GTPBP2: variants seen among roughly 807,000 people sequenced by gnomAD.
The protein encoded by GTPBP2 is GTP-binding protein 2.
GTPBP2 carries 32 observed loss-of-function variants against 63.0 expected under a neutral mutation model. That is an observed-to-expected ratio of 0.51 (90% CI 0.38 to 0.68). GTPBP2 has a LOEUF of 0.68. Ranked by LOEUF, GTPBP2 falls within the 30% of genes least tolerant of loss-of-function variation. The pLI is 0.00. For synonymous variants in GTPBP2, 310 were observed against 322.6 expected, an observed-to-expected ratio of 0.96 and a Z score of 0.42; for missense variants, 492 against 796.9, an observed-to-expected ratio of 0.62 and a Z score of 4.61.
chr6:43,628,754 T>C (rs758834332), intron 1 of GTPBP2: 14 of 779,160 alleles, frequency 1.8e-5, no homozygotes, highest in South Asian at 9.7e-5. Context: ...GGGGGAGTCC[T>C]CCCTCTCCAC....
upstream of GTPBP2, chr6:43,629,775 T>A: frequency 8.3e-6 from 13 of 1,563,162 alleles, no homozygotes; most frequent in Non-Finnish European, 1.1e-5. Flanking sequence ...CTGGGGTGAG[T>A]CAGGGCGAAC....
intron 1 of GTPBP2, chr6:43,627,296 CTA>C (rs1378565251): frequency 9.2e-7 from 1 of 1,085,370 alleles, no homozygotes; most frequent in African/African-American, 1.7e-5. Flanking sequence ...TCCCAGAAGT[CTA>C]TGTCTCCTCT....
rs143599300 is a variant in GTPBP2, at chr6:43,623,707, G to A, written c.1295+30C>T. The A allele has an allele frequency of 6.8e-5, 105 of 1,551,654 alleles. 1 individual carries two copies. In the East Asian group the frequency reaches 2.1e-3, roughly 31 times the overall value. On this transcript the variant is annotated intron_variant, in intron 9 of 11. Coordinates refer to ENST00000307126, the MANE Select transcript of GTPBP2 (RefSeq NM_019096.5). ...CTTTGAGTATATAGGTGAGGGCTGAGTGGGGAGGGTAGCAAGCAAGACAAT... is the reference window on the plus strand; with the variant it reads ...CTTTGAGTATATAGGTGAGGGCTGAATGGGGAGGGTAGCAAGCAAGACAAT...
chr6:43,623,570 A>G, intron 9 of GTPBP2, 167 bp downstream of exon 9: 1 of 630,766 alleles, frequency 1.6e-6, no homozygotes, highest in Non-Finnish European at 2.8e-6. Context: ...TCCAAAGCCA[A>G]CAGACTACCG....
Position 43,626,146 on chromosome 6 carries a change from C to A in GTPBP2, c.398+80G>T. On this transcript the variant is annotated intron_variant, in intron 3 of 11. Coordinates refer to ENST00000307126, the MANE Select transcript of GTPBP2 (RefSeq NM_019096.5). This position sits in a 1 kb window ranked among gnomAD's most constrained non-coding sequence, Gnocchi z 4.0. ...AGAGAAGGAAAGTCCCACCTTGGCCCCTCAGGCCCTAGGTAACTGGGTATG... is the reference window on the plus strand; with the variant it reads ...AGAGAAGGAAAGTCCCACCTTGGCCACTCAGGCCCTAGGTAACTGGGTATG... 1 of 1,357,612 alleles carries A rather than the reference C, an allele frequency of 7.4e-7. No homozygotes were observed. The highest frequency in any genetic ancestry group is 2.3e-5 in the East Asian group (1 of 43,412). The allele number at this position is 1,357,612 out of a possible 1,614,324, so 84.1% of individuals were successfully genotyped here.
chr6:43,625,979 C>T lies in GTPBP2; in HGVS notation c.399-115G>A, dbSNP rs539571291. 1.3e-6 allele frequency: 1 copy of T among 798,006 alleles called. No individual in the cohort carries two copies. Among genetic ancestry groups the T allele is most frequent in the South Asian group, 1.4e-5 (1 of 69,810 alleles). 49.4% of individuals were successfully genotyped at this position (798,006 alleles called of 1,614,324 possible). On this transcript the variant is annotated intron_variant, in intron 3 of 11. Transcript: ENST00000307126. The surrounding 1 kb of genome is among the most constrained non-coding windows in gnomAD (Gnocchi z 5.1). ...ACAGAGCTCCCAATACCTTAGTGCA[C>T]TTCCTACCACCCTCCAATCTATTCC...
Position 43,626,863 on chromosome 6 carries a change from T to A in GTPBP2, c.213+59A>T. ...AAAGAAAGAAAGAAAAAAGAAATTA[T>A]CCCACACTGGCAAGGACAACCTACC... On this transcript the variant is annotated intron_variant, in intron 2 of 11. Transcript: ENST00000307126. The surrounding 1 kb of genome is among the most constrained non-coding windows in gnomAD (Gnocchi z 4.0). The A allele has an allele frequency of 3.2e-6, 4 of 1,249,160 alleles. No homozygotes were observed. The highest frequency in any genetic ancestry group is 4.6e-6 in the Non-Finnish European group (4 of 874,806). The allele number at this position is 1,249,160 out of a possible 1,614,324, so 77.4% of individuals were successfully genotyped here. A position where few individuals can be genotyped will look rare whatever the true frequency, so the allele number is the denominator to read the frequency against.
At position 43,625,066 on chromosome 6, in the gene GTPBP2, G is replaced by T; in HGVS notation, c.706-4C>A. 6.2e-7 allele frequency: 1 copy of T among 1,612,248 alleles called. No individual in the cohort carries two copies. Reference sequence around the variant, plus strand: ...GTGAGTCGCTGTAATTCACCACCTGGCCCAGGGCCCAGGGCCCTCAGTGCC... The same window carrying T: ...GTGAGTCGCTGTAATTCACCACCTGTCCCAGGGCCCAGGGCCCTCAGTGCC... On this transcript the variant is annotated splice_polypyrimidine_tract_variant and splice_region_variant and intron_variant, in intron 5 of 11. Transcript: ENST00000307126. The surrounding 1 kb of genome is among the most constrained non-coding windows in gnomAD (Gnocchi z 5.1).
intron 1 of GTPBP2, among the ~76,000 whole-genome samples, chr6:43,628,137 G>A (rs1348580737): frequency 6.6e-6 from 1 of 152,182 alleles, no homozygotes; most frequent in African/African-American, 2.4e-5. Context: ...GCCGAGGCGG[G>A]TGGATCACCT....
chr6:43,630,151 G>A (rs1036096709), upstream of GTPBP2, among the ~76,000 whole-genome samples: 1 of 152,340 alleles, frequency 6.6e-6, no homozygotes, highest in Non-Finnish European at 1.5e-5. Flanking sequence ...GGCAGTGGCC[G>A]GGAATAGAAA....
rs1260506144 is a variant in GTPBP2 at position 43,629,141 on chromosome 6, G to A, written c.22C>T (p.Leu8=). The A allele has an allele frequency of 1.4e-6, 2 of 1,458,640 alleles. No homozygotes were observed. Among genetic ancestry groups the A allele is most frequent in the Non-Finnish European group, 1.8e-6 (2 of 1,110,248 alleles). 90.4% of individuals were successfully genotyped at this position (1,458,640 alleles called of 1,614,324 possible). A position where few individuals can be genotyped will look rare whatever the true frequency, so the allele number is the denominator to read the frequency against. Residue 8 remains leucine, a synonymous_variant, in exon 1 of 12, where the codon CTG becomes TTG. Transcript: ENST00000307126. The stretch of plus-strand genomic sequence containing the variant: ...CCGGGCCGGCAGCAGCCGCCGAACA[G>A]CTCCGATACCCGCGAGTCCATCCGC... MDSRVSE[L]FGGCCRPGGG...
upstream of GTPBP2, among the ~76,000 whole-genome samples, chr6:43,629,360 G>A (rs1158276853): frequency 1.3e-5 from 2 of 152,244 alleles, no homozygotes; most frequent in Non-Finnish European, 2.9e-5. Context: ...AGAGTCCCCA[G>A]GCCTGGGAAT....
chr6:43,625,054 AT>A lies in GTPBP2; in HGVS notation c.713del (p.Asn238IlefsTer18). The A allele has an allele frequency of 6.2e-7, 1 of 1,613,406 alleles. No individual in the cohort carries two copies. The highest frequency in any genetic ancestry group is 1.3e-5 in the African/African-American group (1 of 74,980). ...CTTCTGCTGTCCGTGAGTCGCTGTA[AT>A]TCACCACCTGGCCCAGGGCCCAGGG... The part of the protein sequence containing the change: ...LGFNSKGEVV[N>X]YSDSRTAEEI... On this transcript the variant is annotated frameshift_variant, in exon 6 of 12. Transcript: ENST00000307126. LOFTEE classifies it high-confidence loss of function. The surrounding 1 kb of genome is among the most constrained non-coding windows in gnomAD (Gnocchi z 5.1).
Position 43,622,072 on chromosome 6 carries a change from T to C in GTPBP2, c.1563A>G (p.Arg521=), listed in dbSNP as rs1768786714. The part of the protein sequence containing the change: ...VLLFHATTFR[R]GFQVTVHVGN... Reference sequence around the variant, plus strand: ...CCACGTGTACTGTCACCTGGAATCCTCGTCGGAAGGTGGTGGCATGGAACA... The same window carrying C: ...CCACGTGTACTGTCACCTGGAATCCCCGTCGGAAGGTGGTGGCATGGAACA... Residue 521 remains arginine (R), a synonymous_variant, in exon 11 of 12, where the codon CGA becomes CGG. Transcript: ENST00000307126. The surrounding 1 kb of genome is among the most constrained non-coding windows in gnomAD (Gnocchi z 5.4). 1 of 1,614,028 alleles carries C rather than the reference T, an allele frequency of 6.2e-7. No individual in the cohort carries two copies. The highest frequency in any genetic ancestry group is 8.5e-7 in the Non-Finnish European group (1 of 1,180,006).
At chr6:43,628,580 C>A (rs1354816321) in intron 1 of GTPBP2, 1 of 981,070 alleles carries the variant, frequency 1.0e-6, no homozygotes, top group East Asian at 1.1e-4. Flanking sequence ...CCCGGGTACT[C>A]CCCTTCTCCC....
Position 43,625,662 on chromosome 6 carries a change from G to T in GTPBP2, c.507+94C>A. 3 of 1,405,156 alleles carry T rather than the reference G, an allele frequency of 2.1e-6. No homozygotes were observed. The highest frequency in any genetic ancestry group is 3.6e-4 in the Middle Eastern group (2 of 5,612). 87.0% of individuals were successfully genotyped at this position (1,405,156 alleles called of 1,614,324 possible). ...CTCCCTAGGGAGCAAGTGATGAACT[G>T]GAAGCCCCCAGGATCCCAGGCCAGG... On this transcript the variant is annotated intron_variant, in intron 4 of 11. Coordinates refer to ENST00000307126, the MANE Select transcript of GTPBP2 (RefSeq NM_019096.5). This position sits in a 1 kb window ranked among gnomAD's most constrained non-coding sequence, Gnocchi z 5.1.
rs1269113672 is a variant in GTPBP2, at chr6:43,620,989, AG to A, written c.*624del. On this transcript the variant is annotated 3_prime_UTR_variant, in exon 12 of 12. Transcript: ENST00000307126. Reference sequence around the variant, plus strand: ...TAAGCCGGGAGGGGATGGGGGAGATAGGGACTGGGGAAATGGCCCTTGAGTG... The same window carrying A: ...TAAGCCGGGAGGGGATGGGGGAGATAGGACTGGGGAAATGGCCCTTGAGTG... The A allele has an allele frequency of 2.2e-5, 4 of 184,376 alleles. No individual in the cohort carries two copies. The highest frequency in any genetic ancestry group is 9.5e-5 in the African/African-American group (4 of 42,306). 11.4% of individuals were successfully genotyped at this position (184,376 alleles called of 1,614,324 possible). A position where few individuals can be genotyped will look rare whatever the true frequency, so the allele number is the denominator to read the frequency against.
chr6:43,630,523 A>C (rs994419385), upstream of GTPBP2, among the ~76,000 whole-genome samples: 5 of 152,102 alleles, frequency 3.3e-5, no homozygotes, highest in Non-Finnish European at 7.4e-5. Context: ...TGTGCGGATC[A>C]CCTGAAGTCA....
rs1176658931 is a variant in GTPBP2 at position 43,627,123 on chromosome 6, G to A, written c.187-175C>T. 9.2e-6 allele frequency: 6 copies of A among 650,168 alleles called. No individual in the cohort carries two copies. In the East Asian group the frequency reaches 1.9e-4, roughly 20 times the overall value. 40.3% of individuals were successfully genotyped at this position (650,168 alleles called of 1,614,324 possible). A position where few individuals can be genotyped will look rare whatever the true frequency, so the allele number is the denominator to read the frequency against. On this transcript the variant is annotated intron_variant, in intron 1 of 11. Coordinates refer to ENST00000307126, the MANE Select transcript of GTPBP2 (RefSeq NM_019096.5). ...AGACAAGATCCTCTATTCACCCCCA[G>A]CATAGCCTCTATGAAGGGAAGGCCT...
Sources: allele counts gnomAD v4.1 joint callset (sites outside exome capture counted in the v4.1 genomes callset), GRCh38; gene constraint gnomAD v4.1.1; non-coding constraint Gnocchi (gnomAD v3.1); transcripts MANE v1.5; gene names NCBI Gene and HGNC (gene_info 2026-07-23, HGNC 2026-07-21).